MPPED1: variants seen among roughly 807,000 people sequenced by gnomAD.
MPPED1 encodes the protein metallophosphoesterase domain containing 1.
Under a neutral mutation model 36.2 loss-of-function variants are expected in MPPED1, and 16 were observed. That is an observed-to-expected ratio of 0.44 (90% CI 0.30 to 0.67). MPPED1 has a LOEUF of 0.67. Among genes scored for constraint, MPPED1 ranks in the 30% least tolerant of loss-of-function variants. The probability of loss-of-function intolerance (pLI) is 0.10; values close to 1 mark genes in which losing one functional copy is unlikely to be tolerated. For synonymous variants in MPPED1, 199 were observed against 191.3 expected, an observed-to-expected ratio of 1.04 and a Z score of -0.33; for missense variants, 307 against 453.4, an observed-to-expected ratio of 0.68 and a Z score of 2.93.
At chr22:43,450,214 G>A (rs565032869) in intron 3 of MPPED1, among the ~76,000 whole-genome samples, 9 of 152,332 alleles carry the variant, frequency 5.9e-5, no homozygotes, top group African/African-American at 1.2e-4. Context: ...GGTCATGTCC[G>A]TGGACCTGGG....
intron 4 of MPPED1, among the ~76,000 whole-genome samples, chr22:43,478,013 ATAAC>A (rs1931631444): frequency 6.6e-6 from 1 of 152,164 alleles, no homozygotes; most frequent in African/African-American, 2.4e-5. Context: ...GAGGAAGAGG[ATAAC>A]TATTTAGTTT....
intron 3 of MPPED1, among the ~76,000 whole-genome samples, chr22:43,435,882 TG>T (rs2146835188): frequency 6.6e-6 from 1 of 152,224 alleles, no homozygotes; most frequent in South Asian, 2.1e-4. Context: ...GATGAATGAA[TG>T]AATGAATGGC....
intron 4 of MPPED1, among the ~76,000 whole-genome samples, chr22:43,488,709 C>CCT (rs1403357299): frequency 1.3e-5 from 2 of 152,266 alleles, no homozygotes; most frequent in African/African-American, 2.4e-5. Context: ...GGAAAATTTG[C>CCT]TCTGGTTGTC....
intron 3 of MPPED1, among the ~76,000 whole-genome samples, chr22:43,437,087 G>A (rs1364246803): frequency 9.2e-5 from 14 of 152,232 alleles, no homozygotes; most frequent in Admixed American, 9.2e-4. Flanking sequence ...TCAGACTGAG[G>A]GAGGAGGAGC....
chr22:43,479,442 G>A (rs1324151496), intron 4 of MPPED1, among the ~76,000 whole-genome samples: 2 of 152,248 alleles, frequency 1.3e-5, no homozygotes, highest in African/African-American at 4.8e-5. Context: ...TTAGGAGGTA[G>A]ACGGCAGAGC....
At position 43,475,904 on chromosome 22, in the gene MPPED1, T is replaced by C. The variant is rs556806136; in HGVS notation, c.632+943T>C. On this transcript the variant is annotated intron_variant, in intron 4 of 6. Transcript: ENST00000443721. ...ATGGTGATGATGGTGGTTATGCTGATGGTGATGATGGTGAAGATGGTGATG... is the reference window on the plus strand; with the variant it reads ...ATGGTGATGATGGTGGTTATGCTGACGGTGATGATGGTGAAGATGGTGATG... Among the ~76,000 whole-genome samples, 58 of 137,334 alleles carry C rather than the reference T, an allele frequency of 4.2e-4. 2 individuals are homozygous for C. In the Middle Eastern group the frequency reaches 0.015, roughly 36 times the overall value. The allele number at this position is 137,334 out of a possible 152,430, so 90.1% of individuals were successfully genotyped here. A position where few individuals can be genotyped will look rare whatever the true frequency, so the allele number is the denominator to read the frequency against.
chr22:43,446,615 TGGG>T (rs1224854893), intron 3 of MPPED1, among the ~76,000 whole-genome samples: 1 of 152,004 alleles, frequency 6.6e-6, no homozygotes, highest in Non-Finnish European at 1.5e-5. Flanking sequence ...TGAGTCCAGA[TGGG>T]GGATGGGACC....
intron 3 of MPPED1, among the ~76,000 whole-genome samples, chr22:43,471,083 G>A (rs1161514089): frequency 1.3e-5 from 2 of 152,260 alleles, no homozygotes; most frequent in Non-Finnish European, 2.9e-5. Context: ...GAAGAAGAGG[G>A]GAGAGCTGAC....
In MPPED1 at chr22:43,468,104, G is replaced by C. The variant is rs138926734; in HGVS notation, c.407-6632G>C. Among the ~76,000 whole-genome samples the C allele has an allele frequency of 1.4e-3, 217 of 152,330 alleles. 1 individual carries two copies. In the South Asian group the frequency reaches 0.014, roughly 10 times the overall value. The stretch of plus-strand genomic sequence containing the variant: ...TTTGAATACACGTATGTGGCAAATG[G>C]AAAGTGAAAACAACAGGGCCATCCT... On this transcript the variant is annotated intron_variant, in intron 3 of 6. Transcript: ENST00000443721.
intron 2 of MPPED1, among the ~76,000 whole-genome samples, chr22:43,428,263 C>T (rs1157267094): frequency 1.3e-5 from 2 of 152,212 alleles, no homozygotes; most frequent in Non-Finnish European, 2.9e-5. Flanking sequence ...TCTGCACCAC[C>T]ACCTCCGGCA....
rs1229424862 is a variant in MPPED1 at position 43,447,877 on chromosome 22, ATATATATTTTT to A, written c.406+12664_406+12674del. ...GTAAATATTATATATATATATATAT[ATATATATTTTT>A]TTTTTTTTTAGACAAAGTCTCGCCC... is the stretch of plus-strand genomic sequence containing the variant. On this transcript the variant is annotated intron_variant, in intron 3 of 6. Transcript: ENST00000443721. 3.2e-3 allele frequency among the ~76,000 whole-genome samples: 105 copies of A among 32,476 alleles called. 1 individual carries two copies. Among genetic ancestry groups the A allele is most frequent in the African/African-American group, 0.018 (99 of 5,588 alleles). The allele number at this position is 32,476 out of a possible 152,430, so 21.3% of individuals were successfully genotyped here.
chr22:43,474,842 A>T lies in MPPED1; in HGVS notation c.513A>T (p.Pro171=). 1 of 1,613,994 alleles carries T rather than the reference A, an allele frequency of 6.2e-7. No homozygotes were observed. Among genetic ancestry groups the T allele is most frequent in the Non-Finnish European group, 8.5e-7 (1 of 1,179,884 alleles). The change falls in exon 4 of 7, where the codon CCA becomes CCT. Residue 171 remains proline, a synonymous_variant. Transcript: ENST00000443721. This position sits in a 1 kb window ranked among gnomAD's most constrained non-coding sequence, Gnocchi z 5.2. ...TCAAGCAGGACTTTTACTACTTCCC[A>T]TCTGTGTCGAAGCTGAAGCCGGAGA... is the stretch of plus-strand genomic sequence containing the variant. The part of the protein sequence containing the change: ...DLIKQDFYYF[P]SVSKLKPENY...
rs531392068 is a variant in MPPED1 at position 43,470,766 on chromosome 22, T to C, written c.407-3970T>C. Among the ~76,000 whole-genome samples the C allele has an allele frequency of 5.3e-5, 8 of 152,366 alleles. No homozygotes were observed. The East Asian group carries it at 1.5e-3, about 29-fold the overall frequency. Reference sequence around the variant, plus strand: ...GGGCCTCAGTTTCGCCAGGTTTACCTGGGGATAGTAACACTTAAGTGTCTG... The same window carrying C: ...GGGCCTCAGTTTCGCCAGGTTTACCCGGGGATAGTAACACTTAAGTGTCTG... On this transcript the variant is annotated intron_variant, in intron 3 of 6. Coordinates refer to ENST00000443721, the MANE Select transcript of MPPED1 (RefSeq NM_001044370.2).
At position 43,502,561 on chromosome 22, in the gene MPPED1, C is replaced by G; in HGVS notation, c.749-83C>G. The G allele has an allele frequency of 1.8e-6, 2 of 1,098,294 alleles. No homozygotes were observed. The highest frequency in any genetic ancestry group is 2.8e-6 in the Non-Finnish European group (2 of 724,352). The allele number at this position is 1,098,294 out of a possible 1,614,324, so 68.0% of individuals were successfully genotyped here. On this transcript the variant is annotated intron_variant, in intron 5 of 6. Transcript: ENST00000443721. The surrounding 1 kb of genome is among the most constrained non-coding windows in gnomAD (Gnocchi z 5.5). ...CCGGAAGCCCCATGCCTTCTCCAGG[C>G]TGCAGAAGCTGCTGCTAGGCGTGGG...
At chr22:43,496,594 G>A (rs1216160904) in intron 4 of MPPED1, among the ~76,000 whole-genome samples, 5 of 23,176 alleles carry the variant, frequency 2.2e-4, no homozygotes, top group Admixed American at 5.0e-4. Flanking sequence ...TGGTGGAGAT[G>A]GTGGTGGTGG....
chr22:43,458,849 A>T (rs1296678527), intron 3 of MPPED1, among the ~76,000 whole-genome samples: 4 of 152,162 alleles, frequency 2.6e-5, no homozygotes, highest in Admixed American at 2.0e-4. Flanking sequence ...TGTATATCCC[A>T]CTGCCTTCTG....
At chr22:43,475,346 T>A (rs1931510103) in intron 4 of MPPED1, among the ~76,000 whole-genome samples, 1 of 151,658 alleles carries the variant, frequency 6.6e-6, no homozygotes, top group Admixed American at 6.6e-5. Flanking sequence ...CCAGAACCCC[T>A]GCCTTTAATG....
chr22:43,443,527 G>A (rs1011039676), intron 3 of MPPED1, among the ~76,000 whole-genome samples: 1 of 152,180 alleles, frequency 6.6e-6, no homozygotes, highest in African/African-American at 2.4e-5. Flanking sequence ...TTTGCTGGTG[G>A]GGTATGAAGT....
chr22:43,438,057 G>A lies in MPPED1; in HGVS notation c.406+2842G>A, dbSNP rs118130723. ...TTGCTGAGCCTCACTGAGAGCCCAC[G>A]AGGTGCCAGGTGTGTCGCAAGCCCT... On this transcript the variant is annotated intron_variant, in intron 3 of 6. Transcript: ENST00000443721. 1.4e-3 allele frequency among the ~76,000 whole-genome samples: 215 copies of A among 152,310 alleles called. 5 individuals carry two copies. The East Asian group carries it at 0.038, about 27-fold the overall frequency.
Sources: allele counts gnomAD v4.1 joint callset (sites outside exome capture counted in the v4.1 genomes callset), GRCh38; gene constraint gnomAD v4.1.1; non-coding constraint Gnocchi (gnomAD v3.1); transcripts MANE v1.5; gene names NCBI Gene and HGNC (gene_info 2026-07-23, HGNC 2026-07-21).